CAMTA1: variants seen among roughly 807,000 people sequenced by gnomAD.
CAMTA1 encodes calmodulin binding transcription activator 1.
Under a neutral mutation model 170.9 loss-of-function variants are expected in CAMTA1, and 27 were observed. The observed-to-expected ratio is 0.16, with a 90% confidence interval of 0.12 to 0.22. The LOEUF (loss-of-function observed/expected upper bound fraction) is 0.22, where lower values mean the gene tolerates loss of function less well. Among genes scored for constraint, CAMTA1 ranks in the 10% least tolerant of loss-of-function variants. CAMTA1 has a pLI of 1.00. For synonymous variants in CAMTA1, 833 were observed against 891.5 expected, an observed-to-expected ratio of 0.93 and a Z score of 1.17; for missense variants, 1,619 against 2,217.2, an observed-to-expected ratio of 0.73 and a Z score of 5.42.
chr1:7,453,873 C>G (rs528463196), intron 5 of CAMTA1, among the ~76,000 whole-genome samples: 1 of 152,234 alleles, frequency 6.6e-6, no homozygotes, highest in African/African-American at 2.4e-5. Context: ...TGCTGGGACC[C>G]GGCCCCCCGC....
intron 6 of CAMTA1, among the ~76,000 whole-genome samples, chr1:7,488,110 G>GAATCTCTCTAA (rs1181064368): frequency 6.6e-6 from 1 of 152,170 alleles, no homozygotes; most frequent in African/African-American, 2.4e-5. Context: ...AACCTCTCTA[G>GAATCTCTCTAA]AATCTCTCTA....
At chr1:7,666,849 G>C (rs1038409226) in intron 9 of CAMTA1, among the ~76,000 whole-genome samples, 1 of 152,148 alleles carries the variant, frequency 6.6e-6, no homozygotes. Context: ...TGGTGTGACC[G>C]TGTTTCTGAC....
Position 7,642,796 on chromosome 1 carries a change from A to G in CAMTA1, c.664+2243A>G, listed in dbSNP as rs189609730. 3.1e-3 allele frequency among the ~76,000 whole-genome samples: 472 copies of G among 152,264 alleles called. 2 individuals are homozygous for G. Among genetic ancestry groups the G allele is most frequent in the African/African-American group, 0.011 (457 of 41,568 alleles). On this transcript the variant is annotated intron_variant, in intron 7 of 22. Transcript: ENST00000303635. The surrounding 1 kb of genome is among the most constrained non-coding windows in gnomAD (Gnocchi z 6.3). ...CCCAGTACCCCTTCTATAAAGGGGT[A>G]GCAAGAATCTAGCAGCCTCTGCCCT... is the stretch of plus-strand genomic sequence containing the variant.
intron 5 of CAMTA1, among the ~76,000 whole-genome samples, chr1:7,288,524 G>C (rs925017968): frequency 6.6e-6 from 1 of 152,188 alleles, no homozygotes; most frequent in African/African-American, 2.4e-5. Context: ...TAGAGAGTTT[G>C]GGGTTGTGGG....
chr1:7,721,294 T>G lies in CAMTA1; in HGVS notation c.2915-11154T>G, dbSNP rs1348893742. 3.3e-5 allele frequency among the ~76,000 whole-genome samples: 5 copies of G among 152,224 alleles called. No homozygotes were observed. In the East Asian group the frequency reaches 9.6e-4, roughly 29 times the overall value. On this transcript the variant is annotated intron_variant, in intron 11 of 22. Coordinates refer to ENST00000303635, the MANE Select transcript of CAMTA1 (RefSeq NM_015215.4). The stretch of plus-strand genomic sequence containing the variant: ...GTGTTCAAATCTCTGCCCTGATACT[T>G]ACAAGTGGTATGCTCTTGGGTAAGT...
chr1:6,960,427 G>T (rs974233075), intron 3 of CAMTA1, among the ~76,000 whole-genome samples: 1 of 152,074 alleles, frequency 6.6e-6, no homozygotes, highest in African/African-American at 2.4e-5. Context: ...AGTCTGGGCC[G>T]ACTGCCCCTC....
chr1:6,901,921 C>T lies in CAMTA1; in HGVS notation c.234+76711C>T, dbSNP rs139559165. Among the ~76,000 whole-genome samples, 626 of 151,878 alleles carry T rather than the reference C, an allele frequency of 4.1e-3. 8 individuals are homozygous for T. Among genetic ancestry groups the T allele is most frequent in the Middle Eastern group, 6.8e-3 (2 of 294 alleles). On this transcript the variant is annotated intron_variant, in intron 3 of 22. Coordinates refer to ENST00000303635, the MANE Select transcript of CAMTA1 (RefSeq NM_015215.4). ...ATTAGCCGGGCATGGTGGTGGGCCC[C>T]GGTATTCCAGCTACTTGGGAGGCTG... is the stretch of plus-strand genomic sequence containing the variant.
At chr1:7,120,438 C>G (rs1005210151) in intron 4 of CAMTA1, among the ~76,000 whole-genome samples, 1 of 152,184 alleles carries the variant, frequency 6.6e-6, no homozygotes, top group African/African-American at 2.4e-5. Context: ...CCTTTAGTTC[C>G]TGGACATGTG....
intron 6 of CAMTA1, among the ~76,000 whole-genome samples, chr1:7,473,991 C>T (rs991693928): frequency 6.6e-6 from 1 of 152,372 alleles, no homozygotes; most frequent in Non-Finnish European, 1.5e-5. Context: ...AACCCCAGCC[C>T]CTGCCTGCTG....
At chr1:6,790,375 AGT>A (rs370868840) in intron 1 of CAMTA1, among the ~76,000 whole-genome samples, 25,298 of 138,344 alleles carry the variant, frequency 0.18, 2,082 homozygotes, top group Middle Eastern at 0.26. Flanking sequence ...AGAGAGAGAG[AGT>A]GTGTGTGTGT....
rs942664324 is a variant in CAMTA1, at chr1:7,044,733, G to A, written c.235-46571G>A. On this transcript the variant is annotated intron_variant, in intron 3 of 22. Transcript: ENST00000303635. This position sits in a 1 kb window ranked among gnomAD's most constrained non-coding sequence, Gnocchi z 5.0. Reference sequence around the variant, plus strand: ...GGCATCAGCTCTTCCCTTGCTTTGGGGAGGGAACTTACCCTGCGTGCAGTC... The same window carrying A: ...GGCATCAGCTCTTCCCTTGCTTTGGAGAGGGAACTTACCCTGCGTGCAGTC... Among the ~76,000 whole-genome samples the A allele has an allele frequency of 2.0e-5, 3 of 151,944 alleles. No homozygotes were observed. Among genetic ancestry groups the A allele is most frequent in the African/African-American group, 7.3e-5 (3 of 41,360 alleles).
intron 6 of CAMTA1, among the ~76,000 whole-genome samples, chr1:7,623,741 G>A (rs1040693340): frequency 2.6e-5 from 4 of 152,172 alleles, no homozygotes; most frequent in Non-Finnish European, 4.4e-5. Flanking sequence ...CAGGTGTTCC[G>A]CCCGCCTCGG....
At chr1:7,739,066 A>T (rs1388235041) in intron 16 of CAMTA1, among the ~76,000 whole-genome samples, 2 of 152,228 alleles carry the variant, frequency 1.3e-5, no homozygotes, top group South Asian at 2.1e-4. Flanking sequence ...CTAAGAGAAT[A>T]TATACCAAAA....
At chr1:6,948,629 A>G (rs1469934123) in intron 3 of CAMTA1, among the ~76,000 whole-genome samples, 1 of 152,152 alleles carries the variant, frequency 6.6e-6, no homozygotes, top group Non-Finnish European at 1.5e-5. Context: ...TGTGTTGATT[A>G]TCTTCCCTAT....
intron 5 of CAMTA1, among the ~76,000 whole-genome samples, chr1:7,310,663 CTT>C (rs1557490968): frequency 1.0e-4 from 3 of 29,344 alleles, no homozygotes; most frequent in African/African-American, 4.2e-4. Flanking sequence ...TTCTTTCTTT[CTT>C]TCTTTCCTTT....
chr1:6,920,166 A>G (rs1571717565), intron 3 of CAMTA1, among the ~76,000 whole-genome samples: 1 of 152,196 alleles, frequency 6.6e-6, no homozygotes, highest in South Asian at 2.1e-4. Context: ...TACTTCCTAG[A>G]TGCTTCGGGG....
chr1:7,643,521 A>G (rs975651365), intron 7 of CAMTA1, among the ~76,000 whole-genome samples: 3 of 152,176 alleles, frequency 2.0e-5, no homozygotes, highest in African/African-American at 7.2e-5. Flanking sequence ...GGAGCTGCCC[A>G]TCCATCAGAC....
intron 3 of CAMTA1, among the ~76,000 whole-genome samples, chr1:6,906,149 GAA>G (rs1330049576): frequency 6.6e-6 from 1 of 151,674 alleles, no homozygotes; most frequent in African/African-American, 2.4e-5. Flanking sequence ...GTGATGCTAA[GAA>G]GAGGGATTCC....
At chr1:6,900,619 A>G (rs543773949) in intron 3 of CAMTA1, among the ~76,000 whole-genome samples, 1 of 152,364 alleles carries the variant, frequency 6.6e-6, no homozygotes, top group South Asian at 2.1e-4. Context: ...TACAAGATCA[A>G]TTGTATTTCT....
Sources: gnomAD v4.1 joint callset for allele counts (sites outside exome capture counted in the v4.1 genomes callset) on GRCh38, gnomAD v4.1.1 for gene constraint, Gnocchi (gnomAD v3.1) non-coding constraint, MANE v1.5 for transcripts, NCBI Gene and HGNC (gene_info 2026-07-23, HGNC 2026-07-21) for gene names.